Variants in SMARCA2 observed in about 807,000 individuals in gnomAD.
The protein encoded by SMARCA2 is SWI/SNF-related matrix-associated actin-dependent regulator of chromatin subfamily A member 2.
In SMARCA2, 61 loss-of-function variants were observed where a neutral mutation model predicts 199.8. That is an observed-to-expected ratio of 0.31 (90% CI 0.25 to 0.38). The LOEUF (loss-of-function observed/expected upper bound fraction) is 0.38, where lower values mean the gene tolerates loss of function less well. SMARCA2 is among the 10% of genes least tolerant of loss of function. The probability of loss-of-function intolerance (pLI) is 1.00; values close to 1 mark genes in which losing one functional copy is unlikely to be tolerated. For synonymous variants in SMARCA2, 935 were observed against 732.0 expected, an observed-to-expected ratio of 1.28 and a Z score of -4.48; for missense variants, 1,344 against 2,012.2, an observed-to-expected ratio of 0.67 and a Z score of 6.35.
Position 2,061,033 on chromosome 9 carries a change from G to A in SMARCA2, c.1692+47G>A, listed in dbSNP as rs754827512. On this transcript the variant is annotated intron_variant, in intron 9 of 33. Coordinates refer to ENST00000349721, the MANE Select transcript of SMARCA2 (RefSeq NM_003070.5). ...GCTGAGTCCAGGGTGTATGGGCAGG[G>A]ATAAGTTTTTAAGGCGAGTATTGCT... 5.1e-6 allele frequency: 8 copies of A among 1,575,698 alleles called. No individual in the cohort carries two copies. The East Asian group carries it at 1.8e-4, about 36-fold the overall frequency.
At chr9:2,146,847 C>T (rs1185268035) in intron 27 of SMARCA2, among the ~76,000 whole-genome samples, 1 of 152,148 alleles carries the variant, frequency 6.6e-6, no homozygotes, top group Non-Finnish European at 1.5e-5. Context: ...TCACTCTCAT[C>T]ACCATCTTGG....
chr9:2,154,696 G>C (rs925662043), intron 27 of SMARCA2, among the ~76,000 whole-genome samples: 1 of 152,142 alleles, frequency 6.6e-6, no homozygotes, highest in South Asian at 2.1e-4. Context: ...GTGCTTCCAA[G>C]TTGCCATTTG....
chr9:2,186,688 G>A (rs1443326006), intron 32 of SMARCA2, among the ~76,000 whole-genome samples: 1 of 152,028 alleles, frequency 6.6e-6, no homozygotes, highest in Non-Finnish European at 1.5e-5. Flanking sequence ...ACCACGCCCG[G>A]CTAATTTTTA....
intron 1 of SMARCA2, among the ~76,000 whole-genome samples, chr9:2,026,175 C>T (rs79449264): frequency 0.013 from 1,975 of 152,294 alleles, 33 homozygotes; most frequent in African/African-American, 0.044. Context: ...AATATCACGT[C>T]ACGTTCTATG....
intron 9 of SMARCA2, among the ~76,000 whole-genome samples, chr9:2,061,569 A>G (rs1046908375): frequency 6.6e-6 from 1 of 152,230 alleles, no homozygotes; most frequent in Non-Finnish European, 1.5e-5. Flanking sequence ...GGTAAGATTT[A>G]GAATCTCTGC....
At chr9:2,147,241 C>CAAAA (rs5895958) in intron 27 of SMARCA2, among the ~76,000 whole-genome samples, 2 of 106,526 alleles carry the variant, frequency 1.9e-5, no homozygotes, top group Admixed American at 9.7e-5. Flanking sequence ...ACTGAGTGAC[C>CAAAA]AAAAAAAAAA....
chr9:2,152,540 G>C (rs375607779), intron 27 of SMARCA2, among the ~76,000 whole-genome samples: 1 of 151,702 alleles, frequency 6.6e-6, no homozygotes, highest in African/African-American at 2.4e-5. Flanking sequence ...GCAACAGAGC[G>C]AGACTCCATC....
rs10811481 is a variant in SMARCA2 at position 2,124,140 on chromosome 9, C to T, written c.3981+203C>T. On this transcript the variant is annotated intron_variant, in intron 27 of 33. Transcript: ENST00000349721. ...CATGAAAAGATAAAGGCGTTCTGCA[C>T]TTCAAGGCGGTGCTTGGAAAAAAAT... 0.33 allele frequency among the ~76,000 whole-genome samples: 49,866 copies of T among 152,096 alleles called. 13,167 individuals are homozygous for T. Among genetic ancestry groups the T allele is most frequent in the African/African-American group, 0.72 (30,057 of 41,474 alleles).
intron 27 of SMARCA2, among the ~76,000 whole-genome samples, chr9:2,129,168 C>T (rs1423020762): frequency 2.0e-5 from 3 of 152,168 alleles, no homozygotes; most frequent in Non-Finnish European, 4.4e-5. Flanking sequence ...CCTGTAATCC[C>T]AGCAGTTTGG....
chr9:2,084,739 G>A (rs1572745), intron 17 of SMARCA2, among the ~76,000 whole-genome samples: 50,079 of 151,744 alleles, frequency 0.33, 12,316 homozygotes, highest in African/African-American at 0.7. Flanking sequence ...CATTGTTGGA[G>A]TTACTTAAGG....
At position 2,192,680 on chromosome 9, in the gene SMARCA2, T is replaced by G. The variant is rs1393241401; in HGVS notation, c.4738-24T>G. On this transcript the variant is annotated intron_variant, in intron 33 of 33. Coordinates refer to ENST00000349721, the MANE Select transcript of SMARCA2 (RefSeq NM_003070.5). ...TTCTTGCATGTGATGTTACTTCATTTTATCTTCTTATTTTTACTTTTAGGA... is the reference window on the plus strand; with the variant it reads ...TTCTTGCATGTGATGTTACTTCATTGTATCTTCTTATTTTTACTTTTAGGA... The G allele has an allele frequency of 3.2e-6, 5 of 1,555,860 alleles. No homozygotes were observed. The African/African-American group carries it at 5.4e-5, about 17-fold the overall frequency.
intron 27 of SMARCA2, among the ~76,000 whole-genome samples, chr9:2,149,462 G>A (rs1299340982): frequency 2.0e-5 from 3 of 151,570 alleles, no homozygotes; most frequent in Admixed American, 6.6e-5. Context: ...AGAGGTTGCA[G>A]TGAGCCACGA....
intron 27 of SMARCA2, among the ~76,000 whole-genome samples, chr9:2,145,329 AGAG>A (rs1228466534): frequency 6.7e-6 from 1 of 148,568 alleles, no homozygotes; most frequent in Non-Finnish European, 1.5e-5. Context: ...AAAAAAAAAA[AGAG>A]AGAGAAACCC....
intron 1 of SMARCA2, among the ~76,000 whole-genome samples, chr9:2,020,007 G>A (rs190227182): frequency 1.3e-5 from 2 of 152,108 alleles, no homozygotes; most frequent in Non-Finnish European, 2.9e-5. Context: ...ATTTGCAAGT[G>A]GAAGGAGTGT....
chr9:2,015,636 G>A (rs968929046), intron 1 of SMARCA2, among the ~76,000 whole-genome samples: 18 of 152,336 alleles, frequency 1.2e-4, no homozygotes, highest in African/African-American at 3.8e-4. Flanking sequence ...ATGCTCTAAC[G>A]ACAGCTCCCA....
chr9:2,115,063 T>G lies in SMARCA2; in HGVS notation c.3457-759T>G, dbSNP rs1233103794. Among the ~76,000 whole-genome samples the G allele has an allele frequency of 1.3e-5, 2 of 152,166 alleles. No individual in the cohort carries two copies. The highest frequency in any genetic ancestry group is 6.5e-5 in the Admixed American group (1 of 15,282). ...TTTCTTTTTTTAAAAAAAAAGCCATTAGAGAGAGTAAATTATTCTGAGAAG... is the reference window on the plus strand; with the variant it reads ...TTTCTTTTTTTAAAAAAAAAGCCATGAGAGAGAGTAAATTATTCTGAGAAG... On this transcript the variant is annotated intron_variant, in intron 24 of 33. Transcript: ENST00000349721. This position sits in a 1 kb window ranked among gnomAD's most constrained non-coding sequence, Gnocchi z 6.0.
At chr9:2,071,406 T>C (rs1821081995) in intron 10 of SMARCA2, among the ~76,000 whole-genome samples, 1 of 152,220 alleles carries the variant, frequency 6.6e-6, no homozygotes, top group African/African-American at 2.4e-5. Flanking sequence ...TACTATATAT[T>C]AGAGCACTTA....
At chr9:2,172,766 A>C (rs1826326850) in intron 29 of SMARCA2, among the ~76,000 whole-genome samples, 1 of 152,070 alleles carries the variant, frequency 6.6e-6, no homozygotes, top group African/African-American at 2.4e-5. Flanking sequence ...GCGTGCAGGG[A>C]CCAGTGTGTG....
chr9:2,187,894 TATATTCATAATAAGTACAAA>T (rs1204532245), intron 32 of SMARCA2, among the ~76,000 whole-genome samples: 1 of 152,040 alleles, frequency 6.6e-6, no homozygotes, highest in Non-Finnish European at 1.5e-5. Flanking sequence ...GCCTGATCAA[TATATTCATAATAAGTACAAA>T]AATCATGCCA....
Sources: allele counts gnomAD v4.1 joint callset (sites outside exome capture counted in the v4.1 genomes callset), GRCh38; gene constraint gnomAD v4.1.1; non-coding constraint Gnocchi (gnomAD v3.1); transcripts MANE v1.5; gene names NCBI Gene and HGNC (gene_info 2026-07-23, HGNC 2026-07-21).